The following SOX5 variants were observed in gnomAD, a reference collection of about 807,000 sequenced individuals.
SOX5 encodes the protein SRY-box transcription factor 5, also known as transcription factor SOX-5.
Under a neutral mutation model 92.0 loss-of-function variants are expected in SOX5, and 9 were observed. The observed-to-expected ratio is 0.10, with a 90% confidence interval of 0.06 to 0.17. The LOEUF is 0.17. Ranked by LOEUF, SOX5 falls within the 10% of genes least tolerant of loss-of-function variation. The pLI, the probability that SOX5 is intolerant of heterozygous loss-of-function variation, is 1.00. For missense variants in SOX5, 642 were observed against 944.5 expected (o/e 0.68, Z 4.20); for synonymous variants, 344 against 336.3 (o/e 1.02, Z -0.25).
chr12:24,003,343 T>A (rs1236949456), intron 4 of SOX5, among the ~76,000 whole-genome samples: 1 of 151,928 alleles, frequency 6.6e-6, no homozygotes, highest in Non-Finnish European at 1.5e-5. Flanking sequence ...AAGTCATCCA[T>A]CTTACTGGAA....
chr12:23,759,247 A>T (rs2094500289), intron 3 of SOX5, among the ~76,000 whole-genome samples: 1 of 152,058 alleles, frequency 6.6e-6, no homozygotes, highest in African/African-American at 2.4e-5. Flanking sequence ...GTGTGGTCCA[A>T]TTATATGCCT....
chr12:23,882,268 G>A (rs1292442349), intron 2 of SOX5, among the ~76,000 whole-genome samples: 2 of 151,462 alleles, frequency 1.3e-5, no homozygotes, highest in African/African-American at 2.4e-5. Flanking sequence ...CAATAAACAC[G>A]ATAATAATAA....
In SOX5 at chr12:24,393,526, T is replaced by C. The variant is rs1218175424; in HGVS notation, c.-250-24887A>G. Among the ~76,000 whole-genome samples, 1 of 152,160 alleles carries C rather than the reference T, an allele frequency of 6.6e-6. No homozygotes were observed. Among genetic ancestry groups the C allele is most frequent in the Non-Finnish European group, 1.5e-5 (1 of 68,024 alleles). ...ATAAGTAGGTATCTGAATAATGAGA[T>C]CTGTAAAATTGATTCTTGCATTAGA... is the stretch of plus-strand genomic sequence containing the variant. On this transcript the variant is annotated intron_variant, in intron 1 of 4. Coordinates refer to the SOX5 transcript ENST00000446891. The surrounding 1 kb of genome is among the most constrained non-coding windows in gnomAD (Gnocchi z 5.0).
chr12:24,296,269 A>G (rs1947234947), intron 2 of SOX5, among the ~76,000 whole-genome samples: 1 of 152,248 alleles, frequency 6.6e-6, no homozygotes, highest in Admixed American at 6.5e-5. Flanking sequence ...TGAATGTTTC[A>G]GTAGGAACAC....
chr12:24,278,745 C>T (rs561261000), intron 2 of SOX5, among the ~76,000 whole-genome samples: 2 of 151,994 alleles, frequency 1.3e-5, no homozygotes, highest in Non-Finnish European at 2.9e-5. Flanking sequence ...ACCAAAACAA[C>T]AACAAAAAAC....
At chr12:23,713,741 A>T (rs1055536425) in intron 6 of SOX5, among the ~76,000 whole-genome samples, 1 of 148,164 alleles carries the variant, frequency 6.7e-6, no homozygotes, top group Non-Finnish European at 1.5e-5. Flanking sequence ...TATAATATAC[A>T]TATATATGCG....
chr12:24,516,047 T>TG (rs1331883183), intron 1 of SOX5, among the ~76,000 whole-genome samples: 3 of 151,096 alleles, frequency 2.0e-5, no homozygotes, highest in African/African-American at 7.3e-5. Flanking sequence ...CTTTTCCTTT[T>TG]TTTTTTTTTT....
chr12:23,788,953 T>C (rs2095425647), intron 3 of SOX5, among the ~76,000 whole-genome samples: 1 of 151,934 alleles, frequency 6.6e-6, no homozygotes, highest in Non-Finnish European at 1.5e-5. Context: ...AATAAATTTA[T>C]TAAGGGCCAT....
chr12:24,184,333 A>T (rs1955812456), intron 4 of SOX5, among the ~76,000 whole-genome samples: 2 of 152,328 alleles, frequency 1.3e-5, no homozygotes, highest in South Asian at 4.1e-4. Context: ...CAACTATTAC[A>T]CTAGATGATA....
intron 2 of SOX5, among the ~76,000 whole-genome samples, chr12:24,340,211 G>GT (rs1015896569): frequency 2.0e-5 from 3 of 152,174 alleles, no homozygotes; most frequent in African/African-American, 7.2e-5. Flanking sequence ...TTTTCTGTTT[G>GT]TTTTTAAACC....
rs59223492 is a variant in SOX5 at position 24,348,740 on chromosome 12, T to C, written c.-174+19823A>G. 6.3e-3 allele frequency among the ~76,000 whole-genome samples: 963 copies of C among 152,186 alleles called. 5 individuals carry two copies. The highest frequency in any genetic ancestry group is 0.022 in the African/African-American group (914 of 41,520). The stretch of plus-strand genomic sequence containing the variant: ...TGTCCCCCTCAAATCTTATCTTGAA[T>C]TGTAGCTCCCATAATCCCCATGTGT... On this transcript the variant is annotated intron_variant, in intron 2 of 4. Transcript: ENST00000446891.
chr12:23,757,828 C>T (rs1344136861), intron 3 of SOX5, among the ~76,000 whole-genome samples: 2 of 151,720 alleles, frequency 1.3e-5, no homozygotes, highest in East Asian at 3.9e-4. Context: ...ACAAAATATT[C>T]ACTGTAGTGT....
Position 23,533,296 on chromosome 12 carries a change from TTCTTATGTC to T in SOX5, c.*914_*922del, listed in dbSNP as rs2135829272. 1 of 403,084 alleles carries T rather than the reference TTCTTATGTC, an allele frequency of 2.5e-6. No homozygotes were observed. The highest frequency in any genetic ancestry group is 1.8e-5 in the South Asian group (1 of 57,140). The allele number at this position is 403,084 out of a possible 1,614,324, so 25.0% of individuals were successfully genotyped here. Reference sequence around the variant, plus strand: ...GATCAGAAAATATTTTTCTCTAAATTTCTTATGTCTCTCTCTCTCTCTCTCTTTTCACCT... The same window carrying T: ...GATCAGAAAATATTTTTCTCTAAATTTCTCTCTCTCTCTCTCTTTTCACCT... On this transcript the variant is annotated 3_prime_UTR_variant, in exon 15 of 15. Transcript: ENST00000451604.
At chr12:24,134,620 A>G (rs1000958272) in intron 4 of SOX5, among the ~76,000 whole-genome samples, 2 of 152,214 alleles carry the variant, frequency 1.3e-5, no homozygotes, top group African/African-American at 2.4e-5. Context: ...GGTGAACAAG[A>G]AAATGAAGAA....
chr12:23,991,920 CTTG>C (rs1353136384), intron 4 of SOX5, among the ~76,000 whole-genome samples: 2 of 152,000 alleles, frequency 1.3e-5, no homozygotes, highest in African/African-American at 2.4e-5. Context: ...CCAGGTATCT[CTTG>C]TTAGAATATC....
intron 3 of SOX5, among the ~76,000 whole-genome samples, chr12:24,249,161 G>T (rs1234216732): frequency 6.6e-6 from 1 of 152,224 alleles, no homozygotes; most frequent in African/African-American, 2.4e-5. Context: ...TAAACGATCA[G>T]TGTTGAAACA....
At chr12:24,405,470 C>T (rs905911305) in intron 1 of SOX5, among the ~76,000 whole-genome samples, 1 of 152,082 alleles carries the variant, frequency 6.6e-6, no homozygotes, top group Non-Finnish European at 1.5e-5. Context: ...AAGCCTAATG[C>T]CCCCTAGGAA....
intron 2 of SOX5, among the ~76,000 whole-genome samples, chr12:24,295,496 T>A (rs775007): frequency 4.6e-5 from 7 of 152,198 alleles, no homozygotes; most frequent in African/African-American, 1.7e-4. Flanking sequence ...CTTCTTGCTC[T>A]GAATTATTTG....
At chr12:24,514,919 A>G (rs542901116) in intron 1 of SOX5, among the ~76,000 whole-genome samples, 7 of 152,272 alleles carry the variant, frequency 4.6e-5, no homozygotes, top group Admixed American at 4.6e-4. Flanking sequence ...GAGGAGGGAG[A>G]GGATCAGGAA....
Sources: allele counts gnomAD v4.1 joint callset (sites outside exome capture counted in the v4.1 genomes callset), GRCh38; gene constraint gnomAD v4.1.1; non-coding constraint Gnocchi (gnomAD v3.1); transcripts MANE v1.5; gene names NCBI Gene and HGNC (gene_info 2026-07-23, HGNC 2026-07-21).